The following ZNF804A variants were observed in gnomAD, a reference collection of about 807,000 sequenced individuals.
ZNF804A encodes the protein zinc finger protein 804A.
In ZNF804A, 2 loss-of-function variants were observed where a neutral mutation model predicts 16.5. The ratio of observed to expected loss-of-function variants is 0.12; its 90% CI spans 0.05 to 0.38. The LOEUF (loss-of-function observed/expected upper bound fraction) is 0.38. Among genes scored for constraint, ZNF804A ranks in the 10% least tolerant of loss-of-function variants. The probability of loss-of-function intolerance (pLI) is 0.99; values close to 1 mark genes in which losing one functional copy is unlikely to be tolerated. For missense variants in ZNF804A, 1,473 were observed against 1,390.7 expected (o/e 1.06, Z -0.94); for synonymous variants, 534 against 489.6 (o/e 1.09, Z -1.20).
At chr2:184,811,982 C>G (rs1345512830) in intron 1 of ZNF804A, among the ~76,000 whole-genome samples, 1 of 152,120 alleles carries the variant, frequency 6.6e-6, no homozygotes, top group South Asian at 2.1e-4. Context: ...CAAACATGGA[C>G]AAAGTTTTAA....
At chr2:184,910,239 G>A (rs1242499566) in intron 2 of ZNF804A, among the ~76,000 whole-genome samples, 1 of 151,756 alleles carries the variant, frequency 6.6e-6, no homozygotes, top group Non-Finnish European at 1.5e-5. Context: ...CTTTTCTGTT[G>A]CTGCATTAAT....
intron 1 of ZNF804A, among the ~76,000 whole-genome samples, chr2:184,762,212 T>TTTTC (rs995167232): frequency 4.2e-3 from 10 of 2,392 alleles, no homozygotes; most frequent in East Asian, 0.043. Context: ...TTTTCTTTTC[T>TTTTC]TTTTTTTTTT....
At chr2:184,886,282 CA>C (rs1295698303) in intron 2 of ZNF804A, among the ~76,000 whole-genome samples, 1 of 152,180 alleles carries the variant, frequency 6.6e-6, no homozygotes, top group East Asian at 1.9e-4. Flanking sequence ...CACGCTGATG[CA>C]AAAGGTTGGT....
Position 184,919,619 on chromosome 2 carries a change from C to T in ZNF804A, c.256-13984C>T, listed in dbSNP as rs13418690. 3.0e-3 allele frequency among the ~76,000 whole-genome samples: 464 copies of T among 152,276 alleles called. 1 individual carries two copies. Among genetic ancestry groups the T allele is most frequent in the African/African-American group, 9.6e-3 (399 of 41,556 alleles). Reference sequence around the variant, plus strand: ...CAGAAGTCTATCCACATACCCAATCCTTCTTGTTACCAATTTTTAAATCAT... The same window carrying T: ...CAGAAGTCTATCCACATACCCAATCTTTCTTGTTACCAATTTTTAAATCAT... On this transcript the variant is annotated intron_variant, in intron 2 of 3. Transcript: ENST00000302277.
intron 1 of ZNF804A, among the ~76,000 whole-genome samples, chr2:184,862,394 T>A (rs1408630766): frequency 6.6e-6 from 1 of 152,196 alleles, no homozygotes; most frequent in Non-Finnish European, 1.5e-5. Context: ...AAGTCTTTTT[T>A]ACTCTGATAA....
At chr2:184,635,969 C>T (rs1380249239) in intron 1 of ZNF804A, among the ~76,000 whole-genome samples, 2 of 152,014 alleles carry the variant, frequency 1.3e-5, no homozygotes. Flanking sequence ...TTTGAAAATA[C>T]TGGAATTCTT....
rs1006119497 is a variant in ZNF804A at position 184,775,026 on chromosome 2, C to T, written c.112-91343C>T. Among the ~76,000 whole-genome samples the T allele has an allele frequency of 2.2e-4, 34 of 151,364 alleles. 2 individuals are homozygous for T. Among genetic ancestry groups the T allele is most frequent in the Admixed American group, 1.6e-3 (24 of 15,138 alleles). On this transcript the variant is annotated intron_variant, in intron 1 of 3. Coordinates refer to ENST00000302277, the MANE Select transcript of ZNF804A (RefSeq NM_194250.2). ...CTATATTTGTTTAATGGCATGATTG[C>T]CTTAGTACCTATGTAAGAATAATTT... is the stretch of plus-strand genomic sequence containing the variant.
intron 2 of ZNF804A, among the ~76,000 whole-genome samples, chr2:184,911,021 T>A (rs1685347484): frequency 6.6e-6 from 1 of 152,076 alleles, no homozygotes; most frequent in African/African-American, 2.4e-5. Flanking sequence ...TGAAATTATT[T>A]TTGAGGACTT....
chr2:184,882,927 A>G (rs1684830874), intron 2 of ZNF804A, among the ~76,000 whole-genome samples: 1 of 152,042 alleles, frequency 6.6e-6, no homozygotes, highest in Admixed American at 6.6e-5. Flanking sequence ...AAAAGAAATA[A>G]CTGAAATCAG....
At chr2:184,603,667 A>G (rs980811588) in intron 1 of ZNF804A, among the ~76,000 whole-genome samples, 3 of 152,168 alleles carry the variant, frequency 2.0e-5, no homozygotes, top group African/African-American at 7.2e-5. Flanking sequence ...TTTTAGGTTA[A>G]TGTCCTCAAG....
intron 1 of ZNF804A, among the ~76,000 whole-genome samples, chr2:184,745,342 G>A (rs62176237): frequency 0.14 from 21,614 of 151,648 alleles, 1,682 homozygotes; most frequent in Middle Eastern, 0.24. Flanking sequence ...TGGATTCTCC[G>A]TAAATATGAG....
intron 1 of ZNF804A, among the ~76,000 whole-genome samples, chr2:184,684,418 T>G (rs1164033333): frequency 1.3e-5 from 2 of 152,232 alleles, no homozygotes; most frequent in Non-Finnish European, 2.9e-5. Context: ...AAATTTATTT[T>G]GTTTTATAAG....
chr2:184,911,878 TC>T (rs2105832291), intron 2 of ZNF804A, among the ~76,000 whole-genome samples: 1 of 152,088 alleles, frequency 6.6e-6, no homozygotes, highest in East Asian at 1.9e-4. Context: ...CCTACAATTT[TC>T]CCTTTGAAAA....
chr2:184,842,912 A>G (rs1288479552), intron 1 of ZNF804A, among the ~76,000 whole-genome samples: 1 of 152,158 alleles, frequency 6.6e-6, no homozygotes, highest in Non-Finnish European at 1.5e-5. Context: ...CCATAATGGT[A>G]GAGGTGAGGT....
intron 1 of ZNF804A, among the ~76,000 whole-genome samples, chr2:184,830,087 C>A (rs1425009451): frequency 6.8e-6 from 1 of 147,030 alleles, no homozygotes; most frequent in Non-Finnish European, 1.5e-5. Flanking sequence ...CAGGGCAAGA[C>A]CCTGTCTCAA....
chr2:184,877,602 T>G (rs1008446355), intron 2 of ZNF804A, among the ~76,000 whole-genome samples: 3 of 152,040 alleles, frequency 2.0e-5, no homozygotes, highest in African/African-American at 7.2e-5. Context: ...ATATGGTAAA[T>G]AGCAAGAAAA....
chr2:184,632,753 G>C (rs1427540989), intron 1 of ZNF804A, among the ~76,000 whole-genome samples: 1 of 152,088 alleles, frequency 6.6e-6, no homozygotes, highest in Non-Finnish European at 1.5e-5. Context: ...CTAAACCTCA[G>C]AATTTCTTAT....
chr2:184,759,088 C>G (rs1235445828), intron 1 of ZNF804A, among the ~76,000 whole-genome samples: 4 of 150,480 alleles, frequency 2.7e-5, no homozygotes, highest in African/African-American at 9.8e-5. Flanking sequence ...AATTGCTTGC[C>G]TTATGTATTA....
At chr2:184,789,889 T>G (rs1454967887) in intron 1 of ZNF804A, among the ~76,000 whole-genome samples, 1 of 152,036 alleles carries the variant, frequency 6.6e-6, no homozygotes, top group Non-Finnish European at 1.5e-5. Flanking sequence ...TTTTCTGTTG[T>G]TTTTCTAGTT....
Sources: gnomAD v4.1 joint callset for allele counts (sites outside exome capture counted in the v4.1 genomes callset) on GRCh38, gnomAD v4.1.1 for gene constraint, MANE v1.5 for transcripts, NCBI Gene and HGNC (gene_info 2026-07-23, HGNC 2026-07-21) for gene names.